SNX13: variants seen among roughly 807,000 people sequenced by gnomAD.
SNX13 encodes sorting nexin-13.
SNX13 carries 45 observed loss-of-function variants against 133.6 expected under a neutral mutation model. The ratio of observed to expected loss-of-function variants is 0.34; its 90% CI spans 0.27 to 0.43. SNX13 has a LOEUF of 0.43. Among genes scored for constraint, SNX13 ranks in the 20% least tolerant of loss-of-function variants. The pLI, the probability that SNX13 is intolerant of heterozygous loss-of-function variation, is 1.00. For synonymous variants in SNX13, 414 were observed against 373.9 expected, an observed-to-expected ratio of 1.11 and a Z score of -1.24; for missense variants, 1,032 against 1,145.1, an observed-to-expected ratio of 0.90 and a Z score of 1.43.
chr7:17,793,314 C>A lies in SNX13; in HGVS notation c.*731G>T, dbSNP rs368412139. The A allele has an allele frequency of 1.3e-5, 2 of 152,072 alleles. No individual in the cohort carries two copies. The highest frequency in any genetic ancestry group is 4.8e-5 in the African/African-American group (2 of 41,330). The allele number at this position is 152,072 out of a possible 1,614,324, so 9.4% of individuals were successfully genotyped here. A position where few individuals can be genotyped will look rare whatever the true frequency, so the allele number is the denominator to read the frequency against. On this transcript the variant is annotated 3_prime_UTR_variant, in exon 26 of 26. Transcript: ENST00000428135. ...CATGCTTCTTTTTGCACAAAGAATG[C>A]CAAAAGGAAACATAAAATTGAGTAC...
chr7:17,870,196 T>C (rs960699685), intron 8 of SNX13, among the ~76,000 whole-genome samples: 8 of 152,104 alleles, frequency 5.3e-5, no homozygotes, highest in Non-Finnish European at 8.8e-5. Flanking sequence ...TACAAAATCA[T>C]TGAAGCCATA....
In SNX13 at chr7:17,848,252, C is replaced by T. The variant is rs138183369; in HGVS notation, c.1065+2095G>A. Among the ~76,000 whole-genome samples the T allele has an allele frequency of 1.1e-4, 16 of 152,268 alleles. No individual in the cohort carries two copies. The East Asian group carries it at 1.4e-3, about 13-fold the overall frequency. On this transcript the variant is annotated intron_variant, in intron 11 of 25. Coordinates refer to ENST00000428135, the MANE Select transcript of SNX13 (RefSeq NM_015132.5). ...GGACTTCAGGGGAAGATTACCTACC[C>T]GCCCCATTCCCCTTTTCAGCTCCCC...
chr7:17,893,368 G>C lies in SNX13; in HGVS notation c.192C>G (p.His64Gln). 3 of 1,578,294 alleles carry C rather than the reference G, an allele frequency of 1.9e-6. No homozygotes were observed. The highest frequency in any genetic ancestry group is 2.3e-5 in the South Asian group (2 of 85,872). ...CAGGTGATGTTGGAGGAAGAAATGA[G>C]TGTTCACACTGTTCTAGGTACTTCT... ...NSEKYLEQCE[H>Q]SFLPPTSPGV... The change falls in exon 3 of 26, where the codon CAC becomes CAG. Residue 64 changes from histidine to glutamine, a missense_variant. Physicochemically the swap from His to Gln is conservative, Grantham distance 24 (BLOSUM62 0). Transcript: ENST00000428135.
chr7:17,838,488 A>G (rs545369157), intron 13 of SNX13, among the ~76,000 whole-genome samples: 39 of 151,994 alleles, frequency 2.6e-4, no homozygotes, highest in Admixed American at 7.2e-4. Flanking sequence ...GATTCTCACA[A>G]TAATCTTTGT....
chr7:17,843,778 CAT>C (rs1790177557), intron 12 of SNX13, among the ~76,000 whole-genome samples: 1 of 151,980 alleles, frequency 6.6e-6, no homozygotes, highest in Non-Finnish European at 1.5e-5. Context: ...CTGGAAAACT[CAT>C]ATATTTTTGG....
At chr7:17,935,214 TACA>T (rs1801885406) in intron 1 of SNX13, among the ~76,000 whole-genome samples, 1 of 152,196 alleles carries the variant, frequency 6.6e-6, no homozygotes, top group Non-Finnish European at 1.5e-5. Context: ...TGTCACTTGC[TACA>T]ACATGAACGA....
At chr7:17,892,460 T>G (rs1796724033) in intron 3 of SNX13, among the ~76,000 whole-genome samples, 2 of 149,050 alleles carry the variant, frequency 1.3e-5, no homozygotes, top group Admixed American at 6.7e-5. Flanking sequence ...AGCTAAGAAA[T>G]GGTTCAAAAA....
chr7:17,895,203 C>G (rs1055504864), intron 2 of SNX13, among the ~76,000 whole-genome samples: 1 of 152,132 alleles, frequency 6.6e-6, no homozygotes, highest in Non-Finnish European at 1.5e-5. Flanking sequence ...AAAGAGCAGT[C>G]TGATTTTAAA....
intron 15 of SNX13, 62 bp from the exon 16 acceptor site, chr7:17,830,109 A>G: frequency 7.4e-7 from 1 of 1,357,528 alleles, no homozygotes; most frequent in South Asian, 1.6e-5. Flanking sequence ...GCTTTATCTA[A>G]GGTTCAAACA....
rs185679162 is a variant in SNX13, at chr7:17,906,957, G to A, written c.13-9511C>T. The stretch of plus-strand genomic sequence containing the variant: ...TCCTGTGAGTTCATTTGGTGTATCA[G>A]GTGTTCAGATTTTGAAAGCCACAAG... On this transcript the variant is annotated intron_variant, in intron 1 of 25. Transcript: ENST00000428135. 2.2e-4 allele frequency among the ~76,000 whole-genome samples: 33 copies of A among 152,246 alleles called. 1 individual carries two copies. In the East Asian group the frequency reaches 6.4e-3, roughly 29 times the overall value.
At chr7:17,844,699 T>G (rs777493697) in intron 12 of SNX13, among the ~76,000 whole-genome samples, 92 of 150,714 alleles carry the variant, frequency 6.1e-4, no homozygotes, top group Non-Finnish European at 1.1e-3. Context: ...TTATACACCA[T>G]GACTAAGGTG....
At chr7:17,794,315 C>T in intron 25 of SNX13, 23 bp from the exon 26 acceptor site, 2 of 1,595,752 alleles carry the variant, frequency 1.3e-6, no homozygotes, top group Non-Finnish European at 1.7e-6. Flanking sequence ...GAGGAAAACA[C>T]ACATAATTAT....
intron 16 of SNX13, among the ~76,000 whole-genome samples, chr7:17,828,307 A>C (rs540684662): frequency 3.2e-4 from 48 of 151,916 alleles, no homozygotes; most frequent in African/African-American, 1.1e-3. Context: ...AAACAAGTAC[A>C]TTAATGCTAT....
chr7:17,857,532 C>A (rs978368765), intron 9 of SNX13, among the ~76,000 whole-genome samples: 1 of 152,160 alleles, frequency 6.6e-6, no homozygotes, highest in Non-Finnish European at 1.5e-5. Context: ...CACCTATAAT[C>A]CCAGCACTTT....
At chr7:17,901,814 A>AT (rs1474010575) in intron 1 of SNX13, among the ~76,000 whole-genome samples, 1 of 152,200 alleles carries the variant, frequency 6.6e-6, no homozygotes, top group Non-Finnish European at 1.5e-5. Context: ...GGTGCTTTAT[A>AT]TGTGGATAGT....
intron 15 of SNX13, chr7:17,831,747 A>C: frequency 4.1e-6 from 4 of 984,078 alleles, no homozygotes; most frequent in Non-Finnish European, 4.8e-6. Flanking sequence ...TGTAGTGCTC[A>C]GCAGCTTAAT....
intron 2 of SNX13, among the ~76,000 whole-genome samples, chr7:17,896,061 G>A (rs1226174254): frequency 6.6e-6 from 1 of 152,250 alleles, no homozygotes; most frequent in Non-Finnish European, 1.5e-5. Flanking sequence ...AGGGAGAGGT[G>A]CAACCATGTC....
At chr7:17,933,601 A>G (rs1305135855) in intron 1 of SNX13, among the ~76,000 whole-genome samples, 3 of 152,074 alleles carry the variant, frequency 2.0e-5, no homozygotes, top group Non-Finnish European at 4.4e-5. Flanking sequence ...CGGTTTACCA[A>G]CCACACAAGA....
rs147120944 is a variant in SNX13 at position 17,817,307 on chromosome 7, G to A, written c.1846-1018C>T. Among the ~76,000 whole-genome samples, 214 of 152,322 alleles carry A rather than the reference G, an allele frequency of 1.4e-3. 1 individual carries two copies. Among genetic ancestry groups the A allele is most frequent in the Admixed American group, 4.1e-3 (62 of 15,304 alleles). The stretch of plus-strand genomic sequence containing the variant: ...TTAAGAGCAAAGTCATTTAACTAGT[G>A]ACTGTACCTGACCAACAGCCTAGTG... On this transcript the variant is annotated intron_variant, in intron 18 of 25. Transcript: ENST00000428135.
Sources: allele counts gnomAD v4.1 joint callset (sites outside exome capture counted in the v4.1 genomes callset), GRCh38; gene constraint gnomAD v4.1.1; transcripts MANE v1.5; gene names NCBI Gene and HGNC (gene_info 2026-07-23, HGNC 2026-07-21).